Variants in TENM4 observed in about 807,000 individuals in gnomAD.
The protein encoded by TENM4 is teneurin-4.
TENM4 carries 82 observed loss-of-function variants against 243.3 expected under a neutral mutation model. The observed-to-expected ratio is 0.34, with a 90% confidence interval of 0.28 to 0.40. The LOEUF is 0.40. Among genes scored for constraint, TENM4 ranks in the 10% least tolerant of loss-of-function variants. TENM4 has a pLI of 1.00. For missense variants in TENM4, 3,138 were observed against 3,673.3 expected (o/e 0.85, Z 3.77); for synonymous variants, 1,412 against 1,456.3 (o/e 0.97, Z 0.69).
At chr11:79,056,827 G>A (rs7125932) in intron 6 of TENM4, among the ~76,000 whole-genome samples, 2,735 of 152,308 alleles carry the variant, frequency 0.018, 89 homozygotes, top group African/African-American at 0.062. Flanking sequence ...CATGGGACAG[G>A]CCATGGCTAA....
intron 12 of TENM4, among the ~76,000 whole-genome samples, chr11:78,820,210 C>A (rs1001100930): frequency 1.3e-5 from 2 of 152,222 alleles, no homozygotes; most frequent in Non-Finnish European, 2.9e-5. Context: ...AAAAGCAAAT[C>A]ATATATTCTA....
chr11:78,884,063 T>A lies in TENM4; in HGVS notation c.1084+5722A>T, dbSNP rs75844379. On this transcript the variant is annotated intron_variant, in intron 9 of 33. Coordinates refer to ENST00000278550, the MANE Select transcript of TENM4 (RefSeq NM_001098816.3). Reference sequence around the variant, plus strand: ...AGTGTCTAACTTTTACTGAGTGCTCTGTGTCAGGGAGTGAGCTAGGTACTT... The same window carrying A: ...AGTGTCTAACTTTTACTGAGTGCTCAGTGTCAGGGAGTGAGCTAGGTACTT... Among the ~76,000 whole-genome samples, 1,050 of 152,382 alleles carry A rather than the reference T, an allele frequency of 6.9e-3. 9 individuals carry two copies. The highest frequency in any genetic ancestry group is 0.023 in the African/African-American group (977 of 41,600).
rs761486973 is a variant in TENM4 at position 78,903,399 on chromosome 11, C to T, written c.618G>A (p.Thr206=). Residue 206 remains threonine (T), a synonymous_variant, in exon 7 of 34, where the codon ACG becomes ACA. Coordinates refer to ENST00000278550, the MANE Select transcript of TENM4 (RefSeq NM_001098816.3). ...GGGCCGGGCTGGGGTTGCTCCTCGG[C>T]GTGAAGTTGCCCCGGTTCAGGGAGT... ...SINSLNRGNF[T]PRSNPSPAPT... 60 of 1,536,934 alleles carry T rather than the reference C, an allele frequency of 3.9e-5. No homozygotes were observed. The South Asian group carries it at 4.2e-4, about 11-fold the overall frequency.
intron 6 of TENM4, among the ~76,000 whole-genome samples, chr11:79,056,615 A>G (rs1258778939): frequency 3.3e-5 from 5 of 152,038 alleles, no homozygotes; most frequent in South Asian, 2.1e-4. Context: ...TTATGGCTTA[A>G]AGGGAAGCTG....
chr11:78,694,031 A>G (rs1244741037), intron 28 of TENM4, among the ~76,000 whole-genome samples: 2 of 152,136 alleles, frequency 1.3e-5, no homozygotes, highest in Admixed American at 1.3e-4. Flanking sequence ...AATGATTCAT[A>G]TAGTTGCTGT....
intron 6 of TENM4, among the ~76,000 whole-genome samples, chr11:78,992,290 TG>T (rs1363365940): frequency 4.5e-4 from 69 of 152,378 alleles, no homozygotes; most frequent in African/African-American, 1.6e-3. Context: ...TTTTATACTT[TG>T]TCCAGTTCTC....
At chr11:78,977,245 ACC>A (rs1287072823) in intron 6 of TENM4, among the ~76,000 whole-genome samples, 1 of 152,146 alleles carries the variant, frequency 6.6e-6, no homozygotes, top group Non-Finnish European at 1.5e-5. Context: ...GTAGGTTCCC[ACC>A]CTCCTCTACT....
At chr11:79,242,169 C>G (rs546489253) in intron 2 of TENM4, among the ~76,000 whole-genome samples, 1 of 152,226 alleles carries the variant, frequency 6.6e-6, no homozygotes, top group East Asian at 1.9e-4. Flanking sequence ...GGCTCAGATG[C>G]TTTATTTATT....
At chr11:78,851,011 C>T (rs779603806) in intron 12 of TENM4, among the ~76,000 whole-genome samples, 1 of 152,182 alleles carries the variant, frequency 6.6e-6, no homozygotes, top group Non-Finnish European at 1.5e-5. Flanking sequence ...CGCAGGCCTA[C>T]TGAGTCATAT....
intron 1 of TENM4, among the ~76,000 whole-genome samples, chr11:79,299,061 TCC>T (rs1491172151): frequency 1.6e-5 from 1 of 62,794 alleles, no homozygotes; most frequent in Non-Finnish European, 3.4e-5. Context: ...AGGTGCTGTA[TCC>T]ACACACACAC....
chr11:78,852,737 G>C (rs571201543), intron 12 of TENM4, among the ~76,000 whole-genome samples: 1 of 152,192 alleles, frequency 6.6e-6, no homozygotes, highest in Non-Finnish European at 1.5e-5. Context: ...CCTAGTACCA[G>C]ATTCAGAGAT....
intron 18 of TENM4, among the ~76,000 whole-genome samples, chr11:78,770,596 T>A (rs187725407): frequency 1.4e-4 from 21 of 152,316 alleles, no homozygotes; most frequent in Middle Eastern, 3.4e-3. Flanking sequence ...TCAACCTCCT[T>A]CCCTGGGAGA....
At chr11:79,226,349 A>G (rs996982771) in intron 2 of TENM4, among the ~76,000 whole-genome samples, 2 of 152,216 alleles carry the variant, frequency 1.3e-5, no homozygotes, top group Non-Finnish European at 1.5e-5. Flanking sequence ...ATCAGCAGCA[A>G]GGGCTCCCAG....
At chr11:79,190,810 GTCTCCC>G (rs1175235824) in intron 3 of TENM4, among the ~76,000 whole-genome samples, 1 of 31,532 alleles carries the variant, frequency 3.2e-5, no homozygotes, top group Non-Finnish European at 6.0e-5. Context: ...TCCCTCTCCC[GTCTCCC>G]TCTCCCTCTC....
At chr11:79,316,904 T>G (rs1011077670) in intron 1 of TENM4, among the ~76,000 whole-genome samples, 2 of 152,230 alleles carry the variant, frequency 1.3e-5, no homozygotes, top group Non-Finnish European at 2.9e-5. Context: ...TTTGTTCGCT[T>G]CAAGGGGTGA....
At position 78,930,978 on chromosome 11, in the gene TENM4, A is replaced by G. The variant is rs75048502; in HGVS notation, c.494-27455T>C. ...TGCTTTTCATTTTGCTGTGTAGCCAAGAGGATTGAGAATCCACAGGGCCTC... is the reference window on the plus strand; with the variant it reads ...TGCTTTTCATTTTGCTGTGTAGCCAGGAGGATTGAGAATCCACAGGGCCTC... On this transcript the variant is annotated intron_variant, in intron 6 of 33. Transcript: ENST00000278550. Among the ~76,000 whole-genome samples the G allele has an allele frequency of 2.9e-3, 448 of 152,312 alleles. 1 individual carries two copies. Among genetic ancestry groups the G allele is most frequent in the African/African-American group, 9.8e-3 (409 of 41,568 alleles).
chr11:79,432,772 C>T (rs1035905910), intron 1 of TENM4, among the ~76,000 whole-genome samples: 25 of 152,184 alleles, frequency 1.6e-4, no homozygotes, highest in South Asian at 6.2e-4. Context: ...AAACACTTTG[C>T]TAAATTATCA....
chr11:79,256,155 A>G (rs1209042694), intron 2 of TENM4, among the ~76,000 whole-genome samples: 1 of 152,164 alleles, frequency 6.6e-6, no homozygotes, highest in African/African-American at 2.4e-5. Context: ...TACCTAAGGC[A>G]TGGCTGCTGT....
chr11:79,278,830 T>C (rs1405877961), intron 2 of TENM4, among the ~76,000 whole-genome samples: 1 of 152,106 alleles, frequency 6.6e-6, no homozygotes, highest in African/African-American at 2.4e-5. Context: ...AATGACACTG[T>C]CACTATCAGG....
Sources: gnomAD v4.1 joint callset for allele counts (sites outside exome capture counted in the v4.1 genomes callset) on GRCh38, gnomAD v4.1.1 for gene constraint, MANE v1.5 for transcripts, NCBI Gene and HGNC (gene_info 2026-07-23, HGNC 2026-07-21) for gene names.